Variants in USP31 observed in about 807,000 individuals in gnomAD.
USP31 encodes ubiquitin carboxyl-terminal hydrolase 31.
Under a neutral mutation model 119.4 loss-of-function variants are expected in USP31, and 44 were observed. The ratio of observed to expected loss-of-function variants is 0.37; its 90% confidence interval spans 0.29 to 0.47. The LOEUF (loss-of-function observed/expected upper bound fraction) is 0.47, where lower values mean the gene tolerates loss of function less well. Ranked by LOEUF, USP31 falls within the 20% of genes least tolerant of loss-of-function variation. The probability of loss-of-function intolerance (pLI) is 0.99; values close to 1 mark genes in which losing one functional copy is unlikely to be tolerated. For missense variants in USP31, 1,643 were observed against 1,730.2 expected, an observed-to-expected ratio of 0.95 and a Z score of 0.89; for synonymous variants, 749 against 705.6, an observed-to-expected ratio of 1.06 and a Z score of -0.97.
intron 1 of USP31, 116 bp from the exon 2 acceptor site, chr16:23,108,299 C>A: frequency 7.2e-7 from 1 of 1,387,060 alleles, no homozygotes; most frequent in Non-Finnish European, 9.6e-7. Context: ...AGAATACTTC[C>A]CAGAAGGAGT....
chr16:23,149,061 C>G lies in USP31; in HGVS notation c.210G>C (p.Lys70Asn). The G allele has an allele frequency of 7.9e-7, 1 of 1,262,374 alleles. No homozygotes were observed. The highest frequency in any genetic ancestry group is 1.0e-6 in the Non-Finnish European group (1 of 979,086). The allele number at this position is 1,262,374 out of a possible 1,614,324, so 78.2% of individuals were successfully genotyped here. The change falls in exon 1 of 16, where the codon AAG (lysine) becomes AAC (asparagine). Residue 70 changes from lysine to asparagine, a missense_variant. Physicochemically the swap from Lys to Asn is moderately conservative, Grantham distance 94. Around this residue, in one of 5 missense-constraint regions of USP31, gnomAD observed 302 missense variants for 262.6 expected, o/e 1.15. Coordinates refer to ENST00000219689, the MANE Select transcript of USP31 (RefSeq NM_020718.4). ...TAAGGTGCGAGAGCGTGGACAGCGT[C>G]TTGAGAACGCGGCTCATGAAGCTGC... ...SVGSFMSRVL[K>N]TLSTLSHLSS... is the part of the protein sequence containing the mutation.
At chr16:23,081,596 A>G (rs1900828438) in intron 12 of USP31, among the ~76,000 whole-genome samples, 1 of 152,198 alleles carries the variant, frequency 6.6e-6, no homozygotes, top group Non-Finnish European at 1.5e-5. Context: ...CACAATATCC[A>G]GAATAATATT....
chr16:23,121,574 G>C (rs528972221), intron 1 of USP31, among the ~76,000 whole-genome samples: 2 of 152,328 alleles, frequency 1.3e-5, no homozygotes, highest in South Asian at 2.1e-4. Flanking sequence ...ACAAAGAGAA[G>C]AGTGTGAAAT....
intron 1 of USP31, among the ~76,000 whole-genome samples, chr16:23,115,170 T>A (rs1902450379): frequency 6.6e-6 from 1 of 152,164 alleles, no homozygotes. Flanking sequence ...CTGGTATACG[T>A]TTTTGGTCAC....
At chr16:23,071,484 A>G (rs971207395) in intron 15 of USP31, among the ~76,000 whole-genome samples, 3 of 152,200 alleles carry the variant, frequency 2.0e-5, no homozygotes, top group Non-Finnish European at 1.5e-5. Context: ...AAAAAAAAAA[A>G]AAAGAGTTCA....
rs968445290 is a variant in USP31 at position 23,066,480 on chromosome 16, A to G, written c.*1566T>C. 1 of 152,380 alleles carries G rather than the reference A, an allele frequency of 6.6e-6. No homozygotes were observed. The highest frequency in any genetic ancestry group is 1.5e-5 in the Non-Finnish European group (1 of 68,032). 9.4% of individuals were successfully genotyped at this position (152,380 alleles called of 1,614,324 possible). On this transcript the variant is annotated 3_prime_UTR_variant, in exon 16 of 16. Transcript: ENST00000219689. Reference sequence around the variant, plus strand: ...CATATGTGTTGTAGTTAATTCACACACAGCAATACTGAAAAGGGAGGTTAT... The same window carrying G: ...CATATGTGTTGTAGTTAATTCACACGCAGCAATACTGAAAAGGGAGGTTAT...
chr16:23,115,928 C>T (rs543949976), intron 1 of USP31: 4 of 312,658 alleles, frequency 1.3e-5, no homozygotes, highest in African/African-American at 2.3e-5. Context: ...GTAAAGAGGT[C>T]GAAGCATCCC....
At chr16:23,104,071 C>T (rs1230901096) in intron 5 of USP31, among the ~76,000 whole-genome samples, 3 of 152,190 alleles carry the variant, frequency 2.0e-5, no homozygotes, top group African/African-American at 7.2e-5. Context: ...TCTGGTCCGG[C>T]CTGTCATCAA....
At chr16:23,146,176 GAA>G (rs979216655) in intron 1 of USP31, among the ~76,000 whole-genome samples, 1 of 144,912 alleles carries the variant, frequency 6.9e-6, no homozygotes, top group Non-Finnish European at 1.5e-5. Flanking sequence ...CTCTGACCTC[GAA>G]AAGTTTACAA....
chr16:23,133,534 AC>A (rs556455385), intron 1 of USP31, among the ~76,000 whole-genome samples: 236 of 152,354 alleles, frequency 1.5e-3, no homozygotes, highest in African/African-American at 5.5e-3. Context: ...AGTTCATACA[AC>A]ATGGGGATTA....
At chr16:23,076,813 C>T (rs984214911) in intron 13 of USP31, among the ~76,000 whole-genome samples, 8 of 152,140 alleles carry the variant, frequency 5.3e-5, no homozygotes, top group Non-Finnish European at 8.8e-5. Flanking sequence ...AGCTGGTGAA[C>T]GCCAATCAAG....
At chr16:23,125,808 G>C (rs1902833427) in intron 1 of USP31, among the ~76,000 whole-genome samples, 1 of 152,170 alleles carries the variant, frequency 6.6e-6, no homozygotes. Flanking sequence ...TCTGGTCAGG[G>C]AATAAGTTCT....
At chr16:23,142,966 A>G (rs1476815305) in intron 1 of USP31, among the ~76,000 whole-genome samples, 2 of 152,342 alleles carry the variant, frequency 1.3e-5, no homozygotes, top group South Asian at 2.1e-4. Flanking sequence ...GGTTTGCAGC[A>G]TAGCACCAGA....
chr16:23,116,768 T>A (rs1192433292), intron 1 of USP31, among the ~76,000 whole-genome samples: 1 of 152,060 alleles, frequency 6.6e-6, no homozygotes, highest in Non-Finnish European at 1.5e-5. Context: ...CTCAGAAAGA[T>A]AAGCAGGGGA....
chr16:23,148,099 G>A (rs1277919350), intron 1 of USP31, among the ~76,000 whole-genome samples: 1 of 152,088 alleles, frequency 6.6e-6, no homozygotes, highest in African/African-American at 2.4e-5. Flanking sequence ...TACTTATCAG[G>A]TTGAACCCTA....
rs1217031548 is a variant in USP31 at position 23,066,548 on chromosome 16, T to G, written c.*1498A>C. The G allele has an allele frequency of 8.6e-5, 13 of 151,712 alleles. No homozygotes were observed. The highest frequency in any genetic ancestry group is 8.5e-4 in the Admixed American group (13 of 15,224). 9.4% of individuals were successfully genotyped at this position (151,712 alleles called of 1,614,324 possible). A position where few individuals can be genotyped will look rare whatever the true frequency, so the allele number is the denominator to read the frequency against. On this transcript the variant is annotated 3_prime_UTR_variant, in exon 16 of 16. Coordinates refer to ENST00000219689, the MANE Select transcript of USP31 (RefSeq NM_020718.4). ...AAGGGTTCAAGAAGAACTTGAAGAG[T>G]CTGACGAAAAACGCTAATATTTAAA...
chr16:23,111,465 G>A (rs957754374), intron 1 of USP31, among the ~76,000 whole-genome samples: 3 of 152,140 alleles, frequency 2.0e-5, no homozygotes, highest in Non-Finnish European at 2.9e-5. Flanking sequence ...AAGAGTTCGC[G>A]GAATGAGTCC....
intron 1 of USP31, among the ~76,000 whole-genome samples, chr16:23,127,791 T>C (rs1902911909): frequency 6.6e-6 from 1 of 152,078 alleles, no homozygotes; most frequent in African/African-American, 2.4e-5. Context: ...ACAACTAATA[T>C]TAACTATATA....
rs1899880184 is a variant in USP31, at chr16:23,062,474, A to C, written c.*5572T>G. The C allele has an allele frequency of 6.6e-6, 1 of 152,670 alleles. No homozygotes were observed. The highest frequency in any genetic ancestry group is 1.5e-5 in the Non-Finnish European group (1 of 68,040). The allele number at this position is 152,670 out of a possible 1,614,324, so 9.5% of individuals were successfully genotyped here. On this transcript the variant is annotated 3_prime_UTR_variant, in exon 16 of 16. Transcript: ENST00000219689. Reference sequence around the variant, plus strand: ...ACATTCTGGATAAGAACTATCCTAGAGAATGAGCAAAAGTAGGAAATTCAG... The same window carrying C: ...ACATTCTGGATAAGAACTATCCTAGCGAATGAGCAAAAGTAGGAAATTCAG...
Sources: allele counts gnomAD v4.1 joint callset (sites outside exome capture counted in the v4.1 genomes callset), GRCh38; gene constraint gnomAD v4.1.1; regional missense constraint gnomAD v4.1.1; transcripts MANE v1.5; gene names NCBI Gene and HGNC (gene_info 2026-07-23, HGNC 2026-07-21).